The following ADAMTSL3 variants were observed in gnomAD, a reference collection of about 807,000 sequenced individuals.
ADAMTSL3 encodes ADAMTS like 3, also known as ADAMTS-like protein 3.
In ADAMTSL3, 128 loss-of-function variants were observed where a neutral mutation model predicts 201.7. The observed-to-expected ratio is 0.63, with a 90% confidence interval of 0.55 to 0.73. The LOEUF (loss-of-function observed/expected upper bound fraction) is 0.73. Among genes scored for constraint, ADAMTSL3 ranks in the 30% least tolerant of loss-of-function variants. The pLI is 0.00. For missense variants in ADAMTSL3, 1,990 were observed against 2,119.6 expected (o/e 0.94, Z 1.20); for synonymous variants, 738 against 748.4 (o/e 0.99, Z 0.23).
intron 9 of ADAMTSL3, among the ~76,000 whole-genome samples, chr15:83,876,710 C>A (rs2065184470): frequency 6.6e-6 from 1 of 152,158 alleles, no homozygotes; most frequent in Non-Finnish European, 1.5e-5. Context: ...TGACTCACTG[C>A]AGCTTTGACC....
At chr15:83,898,127 C>A in intron 14 of ADAMTSL3, 122 bp downstream of exon 14, 2 of 1,091,358 alleles carry the variant, frequency 1.8e-6, no homozygotes, top group Middle Eastern at 3.0e-4. Flanking sequence ...TGACAGATTG[C>A]AATAGACCTT....
At chr15:83,676,635 A>T (rs1227046438) in intron 2 of ADAMTSL3, among the ~76,000 whole-genome samples, 1 of 152,166 alleles carries the variant, frequency 6.6e-6, no homozygotes, top group African/African-American at 2.4e-5. Flanking sequence ...CGGAGATTGC[A>T]CCGCTGCACT....
At chr15:84,016,334 A>G in intron 24 of ADAMTSL3, 49 bp from the exon 25 acceptor site, 1 of 1,455,898 alleles carries the variant, frequency 6.9e-7, no homozygotes, top group Non-Finnish European at 9.6e-7. Flanking sequence ...CTGGACCAAT[A>G]ATTAGATAAT....
At chr15:83,839,820 G>T (rs1328565554) in intron 7 of ADAMTSL3, among the ~76,000 whole-genome samples, 2 of 152,132 alleles carry the variant, frequency 1.3e-5, no homozygotes, top group Non-Finnish European at 2.9e-5. Flanking sequence ...ATTCATTTGG[G>T]TAAGGAATTC....
At chr15:84,011,801 A>G (rs12903883) in intron 23 of ADAMTSL3, among the ~76,000 whole-genome samples, 24,643 of 152,248 alleles carry the variant, frequency 0.16, 2,604 homozygotes, top group Middle Eastern at 0.35. Context: ...AAGTGTTGGC[A>G]ATAAACAACT....
chr15:83,981,889 C>T (rs1376828570), intron 20 of ADAMTSL3, among the ~76,000 whole-genome samples: 1 of 152,200 alleles, frequency 6.6e-6, no homozygotes, highest in East Asian at 1.9e-4. Context: ...AACATGTACC[C>T]AGAGGCTGGG....
chr15:83,845,390 G>A (rs923898883), intron 7 of ADAMTSL3, among the ~76,000 whole-genome samples: 1 of 152,166 alleles, frequency 6.6e-6, no homozygotes, highest in African/African-American at 2.4e-5. Context: ...CATGGCCTTC[G>A]CTGGAGATGA....
intron 3 of ADAMTSL3, among the ~76,000 whole-genome samples, chr15:83,723,675 A>G (rs2062132204): frequency 6.6e-6 from 1 of 152,186 alleles, no homozygotes; most frequent in Non-Finnish European, 1.5e-5. Flanking sequence ...TTAAAAGATC[A>G]GGTCACAGAA....
intron 3 of ADAMTSL3, among the ~76,000 whole-genome samples, chr15:83,707,326 CT>C (rs2061867262): frequency 6.6e-6 from 1 of 152,118 alleles, no homozygotes; most frequent in African/African-American, 2.4e-5. Context: ...ATTGTTATTA[CT>C]AAGAATGTTG....
chr15:83,893,656 G>A (rs991313704), intron 13 of ADAMTSL3, among the ~76,000 whole-genome samples: 1 of 152,122 alleles, frequency 6.6e-6, no homozygotes, highest in Non-Finnish European at 1.5e-5. Context: ...GAAATCATCC[G>A]TGGGGTCAAG....
intron 23 of ADAMTSL3, among the ~76,000 whole-genome samples, chr15:84,003,965 C>T (rs750430437): frequency 1.1e-4 from 17 of 152,076 alleles, no homozygotes; most frequent in East Asian, 5.8e-4. Context: ...ATTCAACCCC[C>T]GGAAATAAGA....
chr15:83,951,945 T>C lies in ADAMTSL3; in HGVS notation c.2490+8863T>C, dbSNP rs370076292. On this transcript the variant is annotated intron_variant, in intron 19 of 29. Coordinates refer to ENST00000286744, the MANE Select transcript of ADAMTSL3 (RefSeq NM_207517.3). ...AGTTTTGTCGATTTTATTTATGTTT[T>C]CAAAAAACCAACTTTTTGGTTCATT... 2.3e-4 allele frequency among the ~76,000 whole-genome samples: 35 copies of C among 152,264 alleles called. No individual in the cohort carries two copies. In the East Asian group the frequency reaches 4.2e-3, roughly 18 times the overall value.
intron 6 of ADAMTSL3, among the ~76,000 whole-genome samples, chr15:83,833,868 A>C (rs1219785953): frequency 6.6e-6 from 1 of 152,224 alleles, no homozygotes; most frequent in Non-Finnish European, 1.5e-5. Flanking sequence ...CTATGTATAA[A>C]CATGTCGGAA....
intron 5 of ADAMTSL3, among the ~76,000 whole-genome samples, 186 bp from the exon 6 acceptor site, chr15:83,819,625 T>C (rs1182093457): frequency 6.7e-6 from 1 of 148,904 alleles, no homozygotes; most frequent in African/African-American, 2.5e-5. Flanking sequence ...TGCAGTGATC[T>C]CTGTGGAATT....
chr15:83,957,274 G>A (rs1028884810), intron 19 of ADAMTSL3, among the ~76,000 whole-genome samples: 4 of 152,172 alleles, frequency 2.6e-5, no homozygotes, highest in African/African-American at 9.6e-5. Flanking sequence ...GTGCTGGTAG[G>A]TGAGATGGAA....
chr15:83,750,550 G>C (rs535120665), intron 3 of ADAMTSL3, among the ~76,000 whole-genome samples: 2 of 126,962 alleles, frequency 1.6e-5, no homozygotes, highest in African/African-American at 5.6e-5. Context: ...ACAGATTTTT[G>C]CATGGGGGAG....
chr15:83,968,617 A>T (rs1017457222), intron 19 of ADAMTSL3, among the ~76,000 whole-genome samples: 1 of 152,216 alleles, frequency 6.6e-6, no homozygotes. Context: ...TTCCTCAAGG[A>T]TCTAGAATCA....
chr15:84,004,976 C>T (rs189903019), intron 23 of ADAMTSL3, among the ~76,000 whole-genome samples: 4 of 152,288 alleles, frequency 2.6e-5, no homozygotes, highest in Non-Finnish European at 5.9e-5. Context: ...GTGCTTTTCT[C>T]CTCCAAGAAC....
intron 2 of ADAMTSL3, among the ~76,000 whole-genome samples, chr15:83,663,437 G>A (rs1341411313): frequency 6.6e-6 from 1 of 152,146 alleles, no homozygotes; most frequent in Non-Finnish European, 1.5e-5. Flanking sequence ...TTGAATATTT[G>A]GGTTGCTTCC....
Sources: gnomAD v4.1 joint callset for allele counts (sites outside exome capture counted in the v4.1 genomes callset) on GRCh38, gnomAD v4.1.1 for gene constraint, MANE v1.5 for transcripts, NCBI Gene and HGNC (gene_info 2026-07-23, HGNC 2026-07-21) for gene names.